VWC2: variants seen among roughly 807,000 people sequenced by gnomAD.
VWC2 encodes the protein brorin.
Under a neutral mutation model 29.8 loss-of-function variants are expected in VWC2, and 14 were observed. The observed-to-expected ratio is 0.47, with a 90% CI of 0.31 to 0.74. VWC2 has a LOEUF of 0.74. VWC2 is among the 30% of genes least tolerant of loss of function. The pLI is 0.05. For missense variants in VWC2, 457 were observed against 459.8 expected, an observed-to-expected ratio of 0.99 and a Z score of 0.05; for synonymous variants, 213 against 199.0, an observed-to-expected ratio of 1.07 and a Z score of -0.59.
intron 3 of VWC2, among the ~76,000 whole-genome samples, chr7:49,888,397 G>T (rs1424761233): frequency 2.0e-5 from 3 of 152,106 alleles, no homozygotes; most frequent in East Asian, 3.8e-4. Flanking sequence ...TTTAGGTATG[G>T]TATAGAGCTA....
chr7:49,848,437 AC>A (rs1161026196), intron 3 of VWC2, among the ~76,000 whole-genome samples: 6 of 152,214 alleles, frequency 3.9e-5, no homozygotes, highest in African/African-American at 1.4e-4. Flanking sequence ...GCATCCCAGG[AC>A]ACATGGGATC....
chr7:49,862,944 A>G (rs1353852401), intron 3 of VWC2, among the ~76,000 whole-genome samples: 2 of 152,148 alleles, frequency 1.3e-5, no homozygotes, highest in Non-Finnish European at 2.9e-5. Context: ...TGATGTCTCA[A>G]TCTGGCTTTG....
At chr7:49,873,308 C>T (rs1055901263) in intron 3 of VWC2, among the ~76,000 whole-genome samples, 9 of 152,156 alleles carry the variant, frequency 5.9e-5, no homozygotes, top group African/African-American at 1.9e-4. Flanking sequence ...GGGCCTGCTT[C>T]CTGGTTCATG....
intron 3 of VWC2, among the ~76,000 whole-genome samples, chr7:49,875,608 C>T (rs1191150761): frequency 6.6e-6 from 1 of 151,820 alleles, no homozygotes. Context: ...TAGGTGGAAA[C>T]CCACCGCCTT....
At chr7:49,796,863 G>A (rs142138662) in intron 2 of VWC2, among the ~76,000 whole-genome samples, 2 of 152,126 alleles carry the variant, frequency 1.3e-5, no homozygotes, top group Admixed American at 6.5e-5. Context: ...ACTCATATAG[G>A]AGTGTGAATC....
At chr7:49,829,070 G>C (rs1044932210) in intron 3 of VWC2, among the ~76,000 whole-genome samples, 1 of 152,138 alleles carries the variant, frequency 6.6e-6, no homozygotes, top group African/African-American at 2.4e-5. Context: ...GTCCCCTGAG[G>C]GTGGTGTCCC....
At chr7:49,868,134 A>C (rs1471371971) in intron 3 of VWC2, among the ~76,000 whole-genome samples, 2 of 152,114 alleles carry the variant, frequency 1.3e-5, no homozygotes, top group Non-Finnish European at 2.9e-5. Flanking sequence ...GTGCCTGTCC[A>C]AGGAAAATTA....
At chr7:49,800,076 A>T (rs1442986838) in intron 2 of VWC2, among the ~76,000 whole-genome samples, 1 of 152,244 alleles carries the variant, frequency 6.6e-6, no homozygotes, top group East Asian at 1.9e-4. Context: ...CAAATTTTTT[A>T]CAAAGCTACA....
In VWC2 at chr7:49,897,162, T is replaced by C. The variant is rs546385429; in HGVS notation, c.827-14872T>C. 2.9e-3 allele frequency among the ~76,000 whole-genome samples: 445 copies of C among 152,268 alleles called. 1 individual carries two copies. Among genetic ancestry groups the C allele is most frequent in the Non-Finnish European group, 5.1e-3 (348 of 68,004 alleles). On this transcript the variant is annotated intron_variant, in intron 3 of 3. Coordinates refer to ENST00000340652, the MANE Select transcript of VWC2 (RefSeq NM_198570.5). ...CACCCGCCTCGGCCTCCCAAAGTGC[T>C]GGGATTACAGGCGTGAGCCACCGCG...
At chr7:49,774,863 A>G (rs1036848689) in intron 1 of VWC2, among the ~76,000 whole-genome samples, 1 of 152,152 alleles carries the variant, frequency 6.6e-6, no homozygotes, top group African/African-American at 2.4e-5. Context: ...ACAACCCCCT[A>G]AAGCAAATGA....
intron 3 of VWC2, among the ~76,000 whole-genome samples, chr7:49,829,235 T>TC (rs1463658553): frequency 1.3e-5 from 2 of 152,266 alleles, no homozygotes; most frequent in Admixed American, 6.5e-5. Context: ...TCAGGATTTC[T>TC]CTTTAGCAGT....
In VWC2 at chr7:49,775,425, C is replaced by CGG; in HGVS notation, c.-10_-9insGG. 2.3e-6 allele frequency: 3 copies of CGG among 1,330,904 alleles called. No homozygotes were observed. Among genetic ancestry groups the CGG allele is most frequent in the Non-Finnish European group, 2.9e-6 (3 of 1,036,446 alleles). 82.4% of individuals were successfully genotyped at this position (1,330,904 alleles called of 1,614,324 possible). On this transcript the variant is annotated 5_prime_UTR_variant, in exon 2 of 4. The change abolishes the stop of an existing upstream ORF in the 5' untranslated region. Coordinates refer to ENST00000340652, the MANE Select transcript of VWC2 (RefSeq NM_198570.5). ...CTCCCCGCCCGCCCGCCCGCCGGGA[C>CGG]GTGGTAGGGGATGCCCAGCTCCACT...
At chr7:49,902,779 T>G (rs959825592) in intron 3 of VWC2, among the ~76,000 whole-genome samples, 1 of 152,080 alleles carries the variant, frequency 6.6e-6, no homozygotes, top group Admixed American at 6.5e-5. Context: ...AATATAAAAT[T>G]TTTTTGAAAT....
At chr7:49,780,444 T>A (rs976593448) in intron 2 of VWC2, among the ~76,000 whole-genome samples, 1 of 152,202 alleles carries the variant, frequency 6.6e-6, no homozygotes, top group East Asian at 1.9e-4. Flanking sequence ...CATTCTATTT[T>A]GCTCAACAAA....
At chr7:49,791,936 G>T (rs1200371786) in intron 2 of VWC2, among the ~76,000 whole-genome samples, 1 of 152,198 alleles carries the variant, frequency 6.6e-6, no homozygotes, top group Non-Finnish European at 1.5e-5. Flanking sequence ...GTAGTTACTT[G>T]TTCTACTTAC....
chr7:49,809,456 C>T (rs1399153808), intron 3 of VWC2, among the ~76,000 whole-genome samples: 1 of 151,944 alleles, frequency 6.6e-6, no homozygotes, highest in African/African-American at 2.4e-5. Flanking sequence ...AGAAATAATA[C>T]CAATCTTTTA....
intron 2 of VWC2, among the ~76,000 whole-genome samples, chr7:49,801,409 G>T (rs561060833): frequency 1.2e-4 from 19 of 152,246 alleles, no homozygotes; most frequent in African/African-American, 4.6e-4. Context: ...TGATGGCTGG[G>T]TCTGCATATG....
chr7:49,859,157 A>G (rs1306848584), intron 3 of VWC2, among the ~76,000 whole-genome samples: 1 of 152,224 alleles, frequency 6.6e-6, no homozygotes, highest in Admixed American at 6.5e-5. Flanking sequence ...AACGTTACTC[A>G]GCAATACCAA....
At position 49,912,705 on chromosome 7, in the gene VWC2, C is replaced by A. The variant is rs1793523494; in HGVS notation, c.*520C>A. 1 of 152,614 alleles carries A rather than the reference C, an allele frequency of 6.6e-6. No homozygotes were observed. The allele number at this position is 152,614 out of a possible 1,614,324, so 9.5% of individuals were successfully genotyped here. A position where few individuals can be genotyped will look rare whatever the true frequency, so the allele number is the denominator to read the frequency against. On this transcript the variant is annotated 3_prime_UTR_variant, in exon 4 of 4. Coordinates refer to ENST00000340652, the MANE Select transcript of VWC2 (RefSeq NM_198570.5). ...AAATTCTATTTAATTACAGACATATCTCTAATGTTGATGTCTACTTCACAT... is the reference window on the plus strand; with the variant it reads ...AAATTCTATTTAATTACAGACATATATCTAATGTTGATGTCTACTTCACAT...
Sources: allele counts gnomAD v4.1 joint callset (sites outside exome capture counted in the v4.1 genomes callset), GRCh38; gene constraint gnomAD v4.1.1; transcripts MANE v1.5; gene names NCBI Gene and HGNC (gene_info 2026-07-23, HGNC 2026-07-21).